Variants in ADGRA2 observed in about 807,000 individuals in gnomAD.
The protein encoded by ADGRA2 is adhesion G protein-coupled receptor A2.
ADGRA2 carries 61 observed loss-of-function variants against 98.7 expected under a neutral mutation model. The ratio of observed to expected loss-of-function variants is 0.62; its 90% CI spans 0.50 to 0.76. The LOEUF (loss-of-function observed/expected upper bound fraction) is 0.76. Ranked by LOEUF, ADGRA2 falls within the 30% of genes least tolerant of loss-of-function variation. ADGRA2 has a pLI of 0.00. For missense variants in ADGRA2, 1,712 were observed against 1,860.0 expected, an observed-to-expected ratio of 0.92 and a Z score of 1.46; for synonymous variants, 858 against 831.5, an observed-to-expected ratio of 1.03 and a Z score of -0.55.
chr8:37,803,328 C>T (rs374338434), intron 1 of ADGRA2, among the ~76,000 whole-genome samples: 3 of 152,186 alleles, frequency 2.0e-5, no homozygotes, highest in Non-Finnish European at 4.4e-5. Context: ...ACAGCCTGGA[C>T]CCAGACACTG....
Position 37,842,360 on chromosome 8 carries a change from G to C in ADGRA2, c.*5G>C. Reference sequence around the variant, plus strand: ...AAGAGCGAAACTACCGTCTAAGGTGGGGCGGGCGACGCGGTAGACGGGCTG... The same window carrying C: ...AAGAGCGAAACTACCGTCTAAGGTGCGGCGGGCGACGCGGTAGACGGGCTG... On this transcript the variant is annotated 3_prime_UTR_variant, in exon 19 of 19. Coordinates refer to ENST00000412232, the MANE Select transcript of ADGRA2 (RefSeq NM_032777.10). 9 of 1,464,598 alleles carry C rather than the reference G, an allele frequency of 6.1e-6. No homozygotes were observed. The highest frequency in any genetic ancestry group is 8.1e-6 in the Non-Finnish European group (9 of 1,110,808). 90.7% of individuals were successfully genotyped at this position (1,464,598 alleles called of 1,614,324 possible). A position where few individuals can be genotyped will look rare whatever the true frequency, so the allele number is the denominator to read the frequency against.
At chr8:37,828,621 A>C (rs1243902250) in intron 2 of ADGRA2, among the ~76,000 whole-genome samples, 3 of 147,808 alleles carry the variant, frequency 2.0e-5, no homozygotes, top group Admixed American at 6.7e-5. Flanking sequence ...CTACAGGTGC[A>C]CACTGCCACA....
rs1416186585 is a variant in ADGRA2, at chr8:37,797,559, C to G, written c.266+25C>G. On this transcript the variant is annotated intron_variant, in intron 1 of 18. Transcript: ENST00000412232. The surrounding 1 kb of genome is among the most constrained non-coding windows in gnomAD (Gnocchi z 5.3). ...TGTGAGTACCCTACCAGGCCAGTTC[C>G]GTCCGAGCCGGGACTGGGGACGAAG... 1 of 1,340,364 alleles carries G rather than the reference C, an allele frequency of 7.5e-7. No homozygotes were observed. The highest frequency in any genetic ancestry group is 9.6e-7 in the Non-Finnish European group (1 of 1,038,498). The allele number at this position is 1,340,364 out of a possible 1,614,324, so 83.0% of individuals were successfully genotyped here.
intron 1 of ADGRA2, among the ~76,000 whole-genome samples, chr8:37,810,652 C>T (rs1043147669): frequency 8.5e-5 from 13 of 152,250 alleles, no homozygotes; most frequent in East Asian, 7.8e-4. Context: ...CAGGCCACCA[C>T]GTCTGGCTAC....
At chr8:37,827,215 G>A (rs1805307638) in intron 2 of ADGRA2, among the ~76,000 whole-genome samples, 2 of 152,358 alleles carry the variant, frequency 1.3e-5, no homozygotes, top group South Asian at 4.1e-4. Flanking sequence ...TTGAGTAGGT[G>A]GGCAACTGGC....
chr8:37,813,161 G>A (rs1804886069), intron 1 of ADGRA2, among the ~76,000 whole-genome samples: 1 of 152,170 alleles, frequency 6.6e-6, no homozygotes, highest in Non-Finnish European at 1.5e-5. Context: ...GCCCAGGAGT[G>A]AGGCTGCAGT....
intron 18 of ADGRA2, 95 bp downstream of exon 18, chr8:37,840,944 TA>T: frequency 9.7e-7 from 1 of 1,025,794 alleles, no homozygotes; most frequent in Non-Finnish European, 1.4e-6. Flanking sequence ...CACCCAGCCA[TA>T]ACCCAACCCA....
At chr8:37,806,961 G>C (rs1439662854) in intron 1 of ADGRA2, among the ~76,000 whole-genome samples, 2 of 152,178 alleles carry the variant, frequency 1.3e-5, no homozygotes. Flanking sequence ...GAGAGGGTAG[G>C]TTAGAGAAAG....
Position 37,830,939 on chromosome 8 carries a change from C to A in ADGRA2, c.932+16C>A. 6.5e-7 allele frequency: 1 copy of A among 1,546,856 alleles called. No individual in the cohort carries two copies. The highest frequency in any genetic ancestry group is 1.2e-5 in the South Asian group (1 of 84,130). ...TCATCACCAGGTATGAGCCCCGCTG[C>A]CCCTCCTCAGGCCTCAGCATGGGGT... On this transcript the variant is annotated intron_variant, in intron 7 of 18. Coordinates refer to ENST00000412232, the MANE Select transcript of ADGRA2 (RefSeq NM_032777.10). This position sits in a 1 kb window ranked among gnomAD's most constrained non-coding sequence, Gnocchi z 4.8.
At position 37,833,154 on chromosome 8, in the gene ADGRA2, C is replaced by T. The variant is rs1272425145; in HGVS notation, c.1242C>T (p.Tyr414=). The change falls in exon 9 of 19, where the codon TAC becomes TAT. Residue 414 remains tyrosine, a synonymous_variant. Coordinates refer to ENST00000412232, the MANE Select transcript of ADGRA2 (RefSeq NM_032777.10). ...DRAGRWEPGD[Y]SHCLYTNDIT... ...CCGGCCGCTGGGAGCCAGGGGACTACTCCCACTGTCTCTACACCAACGACA... is the reference window on the plus strand; with the variant it reads ...CCGGCCGCTGGGAGCCAGGGGACTATTCCCACTGTCTCTACACCAACGACA... 2 of 1,613,020 alleles carry T rather than the reference C, an allele frequency of 1.2e-6. No individual in the cohort carries two copies. Among genetic ancestry groups the T allele is most frequent in the Non-Finnish European group, 1.7e-6 (2 of 1,179,838 alleles).
At chr8:37,819,827 C>T (rs1805082700) in intron 2 of ADGRA2, among the ~76,000 whole-genome samples, 1 of 152,138 alleles carries the variant, frequency 6.6e-6, no homozygotes, top group African/African-American at 2.4e-5. Flanking sequence ...CGTGCCACCA[C>T]ACCTGGCTAA....
In ADGRA2 at chr8:37,840,830, T is replaced by C. The variant is rs1050873728; in HGVS notation, c.2728T>C (p.Tyr910His). Residue 910 changes from tyrosine to histidine, a missense_variant, in exon 18 of 19, where the codon TAC (tyrosine) becomes CAC (histidine). By Grantham distance (83) the Tyr-to-His change is moderately conservative. Coordinates refer to ENST00000412232, the MANE Select transcript of ADGRA2 (RefSeq NM_032777.10). Reference protein sequence around the residue: ...GITAAVNIHNYRDHSPYCWLV... With the variant: ...GITAAVNIHNHRDHSPYCWLV... ...CACAGCTGCAGTCAACATCCACAAC[T>C]ACCGGGACCACAGCCCCTAGTGAGC... The C allele has an allele frequency of 1.2e-6, 2 of 1,603,782 alleles. No individual in the cohort carries two copies. The highest frequency in any genetic ancestry group is 1.7e-6 in the Non-Finnish European group (2 of 1,171,626).
At chr8:37,805,836 T>C (rs1804642927) in intron 1 of ADGRA2, among the ~76,000 whole-genome samples, 1 of 152,066 alleles carries the variant, frequency 6.6e-6, no homozygotes, top group African/African-American at 2.4e-5. Flanking sequence ...ACCACTGCAC[T>C]CTAGCCTGGG....
At position 37,806,996 on chromosome 8, in the gene ADGRA2, A is replaced by G. The variant is rs1804689999; in HGVS notation, c.267-7900A>G. On this transcript the variant is annotated intron_variant, in intron 1 of 18. Coordinates refer to ENST00000412232, the MANE Select transcript of ADGRA2 (RefSeq NM_032777.10). ...GGAGACTAGACCTATGAGAGAAGGC[A>G]GGGTGGAGCAGGACTCACTGCAGGT... 2.0e-5 allele frequency among the ~76,000 whole-genome samples: 3 copies of G among 152,320 alleles called. No individual in the cohort carries two copies. In the South Asian group the frequency reaches 6.2e-4, roughly 32 times the overall value.
chr8:37,831,498 C>T lies in ADGRA2; in HGVS notation c.1008C>T (p.Asn336=), dbSNP rs756846725. ...WECTVSMAQG[N]ASKKVEIVVL... is the part of the protein sequence containing the mutation. Reference sequence around the variant, plus strand: ...GCACCGTGTCCATGGCCCAAGGCAACGCCAGCAAGAAGGTGGAGATCGTGG... The same window carrying T: ...GCACCGTGTCCATGGCCCAAGGCAATGCCAGCAAGAAGGTGGAGATCGTGG... The change falls in exon 8 of 19, where the codon AAC becomes AAT. Residue 336 remains asparagine, a synonymous_variant. Transcript: ENST00000412232. 5.6e-6 allele frequency: 9 copies of T among 1,613,822 alleles called. No individual in the cohort carries two copies. Among genetic ancestry groups the T allele is most frequent in the African/African-American group, 4.0e-5 (3 of 75,056 alleles).
chr8:37,840,727 T>G, intron 17 of ADGRA2, 33 bp from the exon 18 acceptor site: 1 of 1,155,728 alleles, frequency 8.7e-7, no homozygotes, highest in African/African-American at 1.5e-5. Flanking sequence ...CCTTTCCCCA[T>G]CTCTGGGACC....
At position 37,844,646 on chromosome 8, in the gene ADGRA2, C is replaced by T; in HGVS notation, c.*2291C>T. 1.2e-6 allele frequency: 2 copies of T among 1,614,138 alleles called. No individual in the cohort carries two copies. The highest frequency in any genetic ancestry group is 2.2e-5 in the South Asian group (2 of 91,084). On this transcript the variant is annotated 3_prime_UTR_variant, in exon 19 of 19. Transcript: ENST00000412232. ...TGGAGACAGGGGGTACAGGGCAGAT[C>T]CGCTTCGGGGACTTCAACATGCAGG... is the stretch of plus-strand genomic sequence containing the variant.
intron 2 of ADGRA2, among the ~76,000 whole-genome samples, chr8:37,816,803 C>T (rs1313788074): frequency 2.0e-5 from 3 of 152,032 alleles, no homozygotes; most frequent in Non-Finnish European, 2.9e-5. Flanking sequence ...GTAGTCCCAG[C>T]TGCTCAGGAG....
At chr8:37,799,236 G>A (rs180955560) in intron 1 of ADGRA2, among the ~76,000 whole-genome samples, 2 of 152,228 alleles carry the variant, frequency 1.3e-5, no homozygotes, top group African/African-American at 4.8e-5. Context: ...TTAGCCAGGC[G>A]TGGTAGCGCG....
Sources: gnomAD v4.1 joint callset for allele counts (sites outside exome capture counted in the v4.1 genomes callset) on GRCh38, gnomAD v4.1.1 for gene constraint, Gnocchi (gnomAD v3.1) non-coding constraint, MANE v1.5 for transcripts, NCBI Gene and HGNC (gene_info 2026-07-23, HGNC 2026-07-21) for gene names.